NEXMIF: variants seen among roughly 807,000 people sequenced by gnomAD.
NEXMIF encodes the protein XLMR protein related to neurite extension.
Under a neutral mutation model 62.1 loss-of-function variants are expected in NEXMIF, and 8 were observed. That is an observed-to-expected ratio of 0.13 (90% CI 0.08 to 0.23). The LOEUF (loss-of-function observed/expected upper bound fraction) is 0.23. NEXMIF is among the 10% of genes least tolerant of loss of function. The pLI is 1.00. For missense variants in NEXMIF, 976 were observed against 1,113.3 expected (o/e 0.88, Z 1.75); for synonymous variants, 404 against 416.6 (o/e 0.97, Z 0.37).
chrX:74,902,733 C>A (rs552695631), intron 1 of NEXMIF, among the ~76,000 whole-genome samples: 1 of 111,988 alleles, frequency 8.9e-6, no homozygotes, highest in African/African-American at 3.2e-5. Flanking sequence ...CCTCGCTTAC[C>A]CCTTTCACCC....
intron 1 of NEXMIF, among the ~76,000 whole-genome samples, chrX:74,907,045 C>T (rs1430525015): frequency 8.9e-6 from 1 of 111,744 alleles, no homozygotes; most frequent in African/African-American, 3.3e-5. Context: ...TCTCTTCTCA[C>T]TTTGACCCCC....
At chrX:74,924,203 T>G (rs2080835819) in intron 1 of NEXMIF, among the ~76,000 whole-genome samples, 1 of 110,909 alleles carries the variant, frequency 9.0e-6, no homozygotes, top group Non-Finnish European at 1.9e-5. Context: ...CGAGCCGACG[T>G]GTGCTGCGGG....
intron 1 of NEXMIF, among the ~76,000 whole-genome samples, chrX:74,923,093 C>T (rs1398685357): frequency 1.8e-5 from 2 of 111,794 alleles, no homozygotes; most frequent in African/African-American, 6.5e-5. Context: ...TGTCTAATCA[C>T]TAGCCACCAG....
At chrX:74,837,379 C>T (rs774430451) in intron 1 of NEXMIF, among the ~76,000 whole-genome samples, 6 of 111,862 alleles carry the variant, frequency 5.4e-5, no homozygotes, top group Non-Finnish European at 1.1e-4. Context: ...TCTTGTTCTG[C>T]CCCTCCCAAT....
intron 1 of NEXMIF, among the ~76,000 whole-genome samples, chrX:74,773,319 C>T (rs2080216803): frequency 8.9e-6 from 1 of 112,043 alleles, no homozygotes; most frequent in South Asian, 3.7e-4. Flanking sequence ...ATTACTATCT[C>T]CTTTAATATA....
intron 1 of NEXMIF, among the ~76,000 whole-genome samples, chrX:74,762,932 T>C (rs754127881): frequency 1.0e-3 from 115 of 111,904 alleles, no homozygotes; most frequent in South Asian, 8.3e-3. Flanking sequence ...TTCATTCTGA[T>C]GGTAGTTTCT....
intron 1 of NEXMIF, among the ~76,000 whole-genome samples, chrX:74,755,334 C>T (rs2080156249): frequency 9.0e-6 from 1 of 111,557 alleles, no homozygotes; most frequent in Non-Finnish European, 1.9e-5. Flanking sequence ...GCTGTAGCCT[C>T]AAAGCACTTA....
At chrX:74,874,656 T>C (rs1316415457) in intron 1 of NEXMIF, among the ~76,000 whole-genome samples, 4 of 91,790 alleles carry the variant, frequency 4.4e-5, no homozygotes, top group Non-Finnish European at 8.5e-5. Context: ...GTTTGTGTCC[T>C]CTTTTATTTC....
rs867465185 is a variant in NEXMIF, at chrX:74,740,625, C to T, written c.3932G>A (p.Arg1311Gln). ...GATATAGGAAGGCTCCTGAAATTCC[C>T]GTTGGTCATCATCCAGAAGGCTGTT... The part of the protein sequence containing the change: ...NTNSLLDDDQ[R>Q]EFQEPSYILS... The change falls in exon 3 of 4, where the codon CGG (arginine) becomes CAG (glutamine). Residue 1311 changes from arginine (R) to glutamine (Q), a missense_variant. This residue lies in a region of NEXMIF where 29 missense variants were observed against 56.5 expected (regional missense o/e 0.51). Coordinates refer to ENST00000055682, the MANE Select transcript of NEXMIF (RefSeq NM_001008537.3). 9 of 1,211,783 alleles carry T rather than the reference C, an allele frequency of 7.4e-6. No homozygotes were observed. Among genetic ancestry groups the T allele is most frequent in the Middle Eastern group, 2.3e-4 (1 of 4,349 alleles).
In NEXMIF at chrX:74,764,037, T is replaced by A. The variant is rs1225049116; in HGVS notation, c.-47-18340A>T. Among the ~76,000 whole-genome samples the A allele has an allele frequency of 2.7e-5, 3 of 111,601 alleles. No individual in the cohort carries two copies. The Admixed American group carries it at 2.9e-4, about 11-fold the overall frequency. On this transcript the variant is annotated intron_variant, in intron 1 of 3. Coordinates refer to ENST00000055682, the MANE Select transcript of NEXMIF (RefSeq NM_001008537.3). The stretch of plus-strand genomic sequence containing the variant: ...GGAGTGGTGAGAGAGGGCATCCCTG[T>A]CTTGTGCCCGTTTTCAAAGGGAATG...
chrX:74,800,614 C>T (rs186576846), intron 1 of NEXMIF, among the ~76,000 whole-genome samples: 8 of 110,615 alleles, frequency 7.2e-5, no homozygotes, highest in Non-Finnish European at 1.5e-4. Flanking sequence ...AACCTGTTTT[C>T]TGTCCCTATA....
chrX:74,740,190 G>C lies in NEXMIF; in HGVS notation c.4367C>G (p.Ala1456Gly), dbSNP rs750888177. 8 of 1,208,442 alleles carry C rather than the reference G, an allele frequency of 6.6e-6. No homozygotes were observed. Among genetic ancestry groups the C allele is most frequent in the Non-Finnish European group, 6.7e-6 (6 of 894,420 alleles). The part of the protein sequence containing the change: ...KLYRHKSSSK[A>G]LRDEKCKGKH... ...TCCCTTACATTTCTCATCTCTCAGGGCCTTGGAGCTGGATTTGTGACGATA... is the reference window on the plus strand; with the variant it reads ...TCCCTTACATTTCTCATCTCTCAGGCCCTTGGAGCTGGATTTGTGACGATA... The change falls in exon 3 of 4, where the codon GCC becomes GGC. Residue 1456 changes from alanine (A) to glycine (G), a missense_variant. This residue lies in a region of NEXMIF where 137 missense variants were observed against 128.9 expected (regional missense o/e 1.06). Transcript: ENST00000055682.
At chrX:74,844,053 T>C (rs1460698579) in intron 1 of NEXMIF, among the ~76,000 whole-genome samples, 1 of 112,100 alleles carries the variant, frequency 8.9e-6, no homozygotes, top group East Asian at 2.8e-4. Context: ...TTAGTTTAGC[T>C]GGATATGAAA....
At chrX:74,884,918 T>G in intron 1 of NEXMIF, among the ~76,000 whole-genome samples, 1 of 111,356 alleles carries the variant, frequency 9.0e-6, no homozygotes, top group Non-Finnish European at 1.9e-5. Flanking sequence ...TCAGCAAATG[T>G]AAAAGAACAG....
intron 1 of NEXMIF, among the ~76,000 whole-genome samples, chrX:74,894,716 A>G (rs1056296030): frequency 2.7e-5 from 3 of 112,659 alleles, no homozygotes; most frequent in African/African-American, 9.7e-5. Context: ...ACATCATATC[A>G]ACAAAATAAA....
At chrX:74,745,789 A>C in intron 1 of NEXMIF, 92 bp from the exon 2 acceptor site, 1 of 456,458 alleles carries the variant, frequency 2.2e-6, no homozygotes, top group Non-Finnish European at 3.8e-6. Context: ...TAAAAGGCTC[A>C]CTGGGATTTA....
intron 1 of NEXMIF, among the ~76,000 whole-genome samples, chrX:74,776,657 G>A (rs928469163): frequency 2.9e-5 from 3 of 104,427 alleles, no homozygotes; most frequent in Non-Finnish European, 5.9e-5. Context: ...AACCTGGGAG[G>A]TGGAGGTTGC....
At chrX:74,802,230 G>A (rs1449989924) in intron 1 of NEXMIF, among the ~76,000 whole-genome samples, 1 of 111,202 alleles carries the variant, frequency 9.0e-6, no homozygotes, top group Non-Finnish European at 1.9e-5. Flanking sequence ...TATCCAGGGA[G>A]TGGTTACAGC....
intron 1 of NEXMIF, among the ~76,000 whole-genome samples, chrX:74,886,302 A>C (rs1471710069): frequency 9.0e-6 from 1 of 111,718 alleles, no homozygotes; most frequent in Admixed American, 9.5e-5. Flanking sequence ...TGGCTAGGGC[A>C]ATGAGGCAGG....
Sources: gnomAD v4.1 joint callset for allele counts (sites outside exome capture counted in the v4.1 genomes callset) on GRCh38, gnomAD v4.1.1 for gene constraint, gnomAD v4.1.1 regional missense constraint, MANE v1.5 for transcripts, NCBI Gene and HGNC (gene_info 2026-07-23, HGNC 2026-07-21) for gene names.